IGF1R: variants seen among roughly 807,000 people sequenced by gnomAD.
IGF1R encodes the protein insulin like growth factor 1 receptor, also known as insulin-like growth factor 1 receptor.
A neutral mutation model predicts 144.6 loss-of-function variants in IGF1R; 44 were observed. That is an observed-to-expected ratio of 0.30 (90% CI 0.24 to 0.39). The LOEUF is 0.39. IGF1R is among the 10% of genes least tolerant of loss of function. The pLI is 1.00. For synonymous variants in IGF1R, 795 were observed against 722.8 expected, an observed-to-expected ratio of 1.10 and a Z score of -1.60; for missense variants, 1,355 against 1,833.7, an observed-to-expected ratio of 0.74 and a Z score of 4.77.
chr15:98,788,056 C>CTGTGTGTGTGTG (rs1218256852), intron 2 of IGF1R, among the ~76,000 whole-genome samples: 8 of 106,446 alleles, frequency 7.5e-5, no homozygotes, highest in African/African-American at 2.1e-4. Context: ...CTCTCTCTCT[C>CTGTGTGTGTGTG]TCTCTCTGTG....
chr15:98,843,951 T>C (rs1412739045), intron 2 of IGF1R, among the ~76,000 whole-genome samples: 1 of 152,252 alleles, frequency 6.6e-6, no homozygotes, highest in African/African-American at 2.4e-5. Flanking sequence ...ATGCGTTTGC[T>C]GCTTCCTTTT....
At chr15:98,734,944 C>T (rs1351211024) in intron 2 of IGF1R, among the ~76,000 whole-genome samples, 1 of 152,192 alleles carries the variant, frequency 6.6e-6, no homozygotes, top group Non-Finnish European at 1.5e-5. Flanking sequence ...GACTCTATCA[C>T]TCTACTTTCA....
chr15:98,847,296 C>T (rs963988072), intron 2 of IGF1R, among the ~76,000 whole-genome samples: 8 of 152,124 alleles, frequency 5.3e-5, no homozygotes, highest in Admixed American at 5.2e-4. Context: ...CCACTCTTTA[C>T]AGGGGGGCGT....
rs2141260167 is a variant in IGF1R, at chr15:98,708,112, G to C, written c.640+5G>C. On this transcript the variant is annotated splice_donor_5th_base_variant and intron_variant, in intron 2 of 20. Coordinates refer to ENST00000650285, the MANE Select transcript of IGF1R (RefSeq NM_000875.5). The stretch of plus-strand genomic sequence containing the variant: ...CCACAAACCGCTGCCAGAAAAGTAA[G>C]AATGATGCTGACTGCTGCTTTCTCT... 6.2e-7 allele frequency: 1 copy of C among 1,610,906 alleles called. No homozygotes were observed. Among genetic ancestry groups the C allele is most frequent in the Non-Finnish European group, 8.5e-7 (1 of 1,178,260 alleles).
intron 1 of IGF1R, among the ~76,000 whole-genome samples, chr15:98,672,744 T>C (rs2052929454): frequency 6.6e-6 from 1 of 152,204 alleles, no homozygotes; most frequent in Non-Finnish European, 1.5e-5. Context: ...ACTCAAGTAG[T>C]TCTGATTGGG....
rs773788531 is a variant in IGF1R at position 98,857,518 on chromosome 15, C to T, written c.641-33807C>T. 8.1e-4 allele frequency among the ~76,000 whole-genome samples: 124 copies of T among 152,190 alleles called. 5 individuals are homozygous for T. The highest frequency in any genetic ancestry group is 1.9e-4 in the Non-Finnish European group (13 of 68,036). On this transcript the variant is annotated intron_variant, in intron 2 of 20. Transcript: ENST00000650285. The stretch of plus-strand genomic sequence containing the variant: ...ACAGGCGTGAGCCACCACGCCCAGC[C>T]TACGTCTTTAAAAATAAATGTAAAT...
intron 1 of IGF1R, among the ~76,000 whole-genome samples, chr15:98,697,949 G>A (rs2053634948): frequency 6.6e-6 from 1 of 151,798 alleles, no homozygotes; most frequent in African/African-American, 2.4e-5. Flanking sequence ...TGGCCAGGCC[G>A]GTCTTGAATT....
chr15:98,816,531 C>A (rs1021559416), intron 2 of IGF1R, among the ~76,000 whole-genome samples: 7 of 152,194 alleles, frequency 4.6e-5, no homozygotes, highest in Non-Finnish European at 1.0e-4. Flanking sequence ...TTTCTTTGGG[C>A]AGTTCAAAGT....
chr15:98,816,910 T>C (rs890530332), intron 2 of IGF1R, among the ~76,000 whole-genome samples: 3 of 152,226 alleles, frequency 2.0e-5, no homozygotes, highest in African/African-American at 4.8e-5. Context: ...TGTATGGATC[T>C]GAGATCCTCA....
chr15:98,751,010 C>T (rs2054997204), intron 2 of IGF1R, among the ~76,000 whole-genome samples: 2 of 152,088 alleles, frequency 1.3e-5, no homozygotes, highest in African/African-American at 4.8e-5. Flanking sequence ...AGGCTCATCT[C>T]AAACTCCTGG....
At chr15:98,928,266 G>A (rs917059637) in intron 13 of IGF1R, among the ~76,000 whole-genome samples, 5 of 152,188 alleles carry the variant, frequency 3.3e-5, no homozygotes, top group African/African-American at 9.7e-5. Context: ...ATCTCTGTGA[G>A]TCTGCCTGGT....
intron 2 of IGF1R, among the ~76,000 whole-genome samples, chr15:98,887,292 C>T (rs972357675): frequency 6.6e-6 from 1 of 151,404 alleles, no homozygotes; most frequent in Non-Finnish European, 1.5e-5. Flanking sequence ...GTGGGAAATG[C>T]GGAATATATC....
chr15:98,719,055 A>G (rs2054187026), intron 2 of IGF1R, among the ~76,000 whole-genome samples: 1 of 152,250 alleles, frequency 6.6e-6, no homozygotes, highest in Non-Finnish European at 1.5e-5. Context: ...TTCTTCAGAT[A>G]GGATGTAAGG....
intron 7 of IGF1R, among the ~76,000 whole-genome samples, chr15:98,912,724 G>GT (rs45561944): frequency 0.078 from 11,849 of 152,154 alleles, 611 homozygotes; most frequent in Middle Eastern, 0.22. Flanking sequence ...GACTATGCTT[G>GT]TTTTTTTCTT....
At position 98,916,485 on chromosome 15, in the gene IGF1R, C is replaced by T. The variant is rs146433002; in HGVS notation, c.1997-187C>T. On this transcript the variant is annotated intron_variant, in intron 9 of 20. Transcript: ENST00000650285. The stretch of plus-strand genomic sequence containing the variant: ...CCATGTTGCCCAGGCTGGTCTGAAA[C>T]TCCTAACCTCAGGTGATTTGCCCGC... The T allele has an allele frequency of 1.3e-3, 854 of 655,270 alleles. 4 individuals are homozygous for T. The African/African-American group carries it at 0.013, about 10-fold the overall frequency. 40.6% of individuals were successfully genotyped at this position (655,270 alleles called of 1,614,324 possible).
At chr15:98,736,001 A>G (rs1264905179) in intron 2 of IGF1R, among the ~76,000 whole-genome samples, 1 of 152,210 alleles carries the variant, frequency 6.6e-6, no homozygotes, top group Non-Finnish European at 1.5e-5. Context: ...TCACTCACCA[A>G]TATGGTTTCC....
chr15:98,853,929 C>T (rs141099353), intron 2 of IGF1R, among the ~76,000 whole-genome samples: 2,562 of 152,296 alleles, frequency 0.017, 36 homozygotes, highest in Non-Finnish European at 0.026. Flanking sequence ...AAAAGTCCTG[C>T]CTCAAGTTAG....
At chr15:98,744,971 G>A (rs917186533) in intron 2 of IGF1R, among the ~76,000 whole-genome samples, 4 of 152,162 alleles carry the variant, frequency 2.6e-5, no homozygotes, top group African/African-American at 9.7e-5. Context: ...GCCTCTGAGA[G>A]GAGCCAGGAT....
At chr15:98,796,571 C>G (rs966891420) in intron 2 of IGF1R, among the ~76,000 whole-genome samples, 2 of 152,212 alleles carry the variant, frequency 1.3e-5, no homozygotes, top group Non-Finnish European at 2.9e-5. Context: ...GGTGACCTCT[C>G]TGGTGTCTCT....
Sources: gnomAD v4.1 joint callset for allele counts (sites outside exome capture counted in the v4.1 genomes callset) on GRCh38, gnomAD v4.1.1 for gene constraint, MANE v1.5 for transcripts, NCBI Gene and HGNC (gene_info 2026-07-23, HGNC 2026-07-21) for gene names.